Variants in PPP1R12B observed in about 807,000 individuals in gnomAD.
PPP1R12B encodes myosin phosphatase target subunit 2.
A neutral mutation model predicts 126.1 loss-of-function variants in PPP1R12B; 76 were observed. That is an observed-to-expected ratio of 0.60 (90% CI 0.50 to 0.73). The LOEUF (loss-of-function observed/expected upper bound fraction) is 0.73. Among genes scored for constraint, PPP1R12B ranks in the 30% least tolerant of loss-of-function variants. PPP1R12B has a pLI of 0.00. For synonymous variants in PPP1R12B, 356 were observed against 434.7 expected, an observed-to-expected ratio of 0.82 and a Z score of 2.25; for missense variants, 1,052 against 1,205.1, an observed-to-expected ratio of 0.87 and a Z score of 1.88.
intron 1 of PPP1R12B, chr1:202,370,058 G>A: frequency 5.6e-6 from 1 of 179,182 alleles, no homozygotes. Flanking sequence ...ACCTCCCAAA[G>A]TACTGGGACT....
At chr1:202,501,470 A>G (rs1680221273) in intron 18 of PPP1R12B, among the ~76,000 whole-genome samples, 1 of 152,140 alleles carries the variant, frequency 6.6e-6, no homozygotes, top group Non-Finnish European at 1.5e-5. Context: ...AATTGAATTT[A>G]TCACTAGAGG....
intron 18 of PPP1R12B, among the ~76,000 whole-genome samples, chr1:202,523,037 A>G (rs1038873948): frequency 3.9e-5 from 6 of 152,238 alleles, no homozygotes; most frequent in Non-Finnish European, 7.3e-5. Flanking sequence ...TGAACAGCAT[A>G]ATTAACCAGC....
chr1:202,359,650 G>A (rs933893477), intron 1 of PPP1R12B, among the ~76,000 whole-genome samples: 7 of 137,468 alleles, frequency 5.1e-5, no homozygotes, highest in African/African-American at 1.6e-4. Flanking sequence ...GCGTGGTGGC[G>A]TGTGTCTGTA....
intron 13 of PPP1R12B, among the ~76,000 whole-genome samples, chr1:202,467,420 T>C (rs1675179066): frequency 6.7e-6 from 1 of 149,814 alleles, no homozygotes; most frequent in Non-Finnish European, 1.5e-5. Flanking sequence ...TTCCCCTTCC[T>C]GTGTCCATGT....
intron 13 of PPP1R12B, among the ~76,000 whole-genome samples, chr1:202,468,227 A>C (rs1675318027): frequency 6.6e-6 from 1 of 152,024 alleles, no homozygotes; most frequent in Non-Finnish European, 1.5e-5. Flanking sequence ...TCTTTAGTTT[A>C]ATTAGATCCC....
chr1:202,493,007 A>C, intron 14 of PPP1R12B, 107 bp from the exon 15 acceptor site: 2 of 1,215,870 alleles, frequency 1.6e-6, no homozygotes, highest in Non-Finnish European at 2.3e-6. Context: ...GAGGGGCTTC[A>C]TTTTGGGATT....
chr1:202,538,228 C>T (rs1684750614), intron 18 of PPP1R12B, among the ~76,000 whole-genome samples: 1 of 152,204 alleles, frequency 6.6e-6, no homozygotes, highest in Non-Finnish European at 1.5e-5. Context: ...CTCTTGACCT[C>T]ATGTGATCCA....
intron 18 of PPP1R12B, among the ~76,000 whole-genome samples, chr1:202,500,013 G>A (rs1027190171): frequency 2.0e-5 from 3 of 152,140 alleles, no homozygotes; most frequent in Admixed American, 6.5e-5. Context: ...CTCTTAATAC[G>A]CTATTGGTGG....
intron 18 of PPP1R12B, among the ~76,000 whole-genome samples, chr1:202,521,297 A>G (rs558521131): frequency 6.6e-6 from 1 of 152,302 alleles, no homozygotes; most frequent in South Asian, 2.1e-4. Flanking sequence ...TTTTTTAGTT[A>G]TCATAAAAAT....
chr1:202,441,399 T>C (rs549111706), intron 11 of PPP1R12B, among the ~76,000 whole-genome samples: 94 of 152,152 alleles, frequency 6.2e-4, no homozygotes, highest in African/African-American at 2.1e-3. Flanking sequence ...AGACCTCGAG[T>C]GGTCCTCCTG....
At chr1:202,540,267 T>C in intron 18 of PPP1R12B, 1 of 1,513,138 alleles carries the variant, frequency 6.6e-7, no homozygotes, top group Non-Finnish European at 9.1e-7. Context: ...TATTTACGTA[T>C]GTTCATAGCT....
At chr1:202,374,642 G>C (rs191266336) in intron 1 of PPP1R12B, among the ~76,000 whole-genome samples, 165 of 151,750 alleles carry the variant, frequency 1.1e-3, no homozygotes, top group African/African-American at 3.9e-3. Context: ...GGGGCTACAG[G>C]TGCATGCCGC....
chr1:202,384,130 C>T (rs1314281706), intron 1 of PPP1R12B, among the ~76,000 whole-genome samples: 1 of 152,198 alleles, frequency 6.6e-6, no homozygotes, highest in Non-Finnish European at 1.5e-5. Flanking sequence ...CACTTTGGTA[C>T]ACAGTCTAGC....
chr1:202,377,448 G>A (rs1571687829), intron 1 of PPP1R12B, among the ~76,000 whole-genome samples: 1 of 151,690 alleles, frequency 6.6e-6, no homozygotes, highest in South Asian at 2.1e-4. Flanking sequence ...GACTACAAGC[G>A]CCCGCCACCA....
chr1:202,564,554 C>T lies in PPP1R12B; in HGVS notation c.2757+7C>T, dbSNP rs114936366. 4.5e-3 allele frequency: 7,168 copies of T among 1,593,810 alleles called. 246 individuals are homozygous for T. In the African/African-American group the frequency reaches 0.078, roughly 17 times the overall value. Reference sequence around the variant, plus strand: ...GCTTGAGAAGGTGGCCCAGGTAAGACGGAAGAAGAAGAAAAAAGATGAGAA... The same window carrying T: ...GCTTGAGAAGGTGGCCCAGGTAAGATGGAAGAAGAAGAAAAAAGATGAGAA... On this transcript the variant is annotated splice_region_variant and intron_variant, in intron 21 of 23. Transcript: ENST00000608999.
chr1:202,566,953 TCTA>T (rs1688105394), intron 21 of PPP1R12B, among the ~76,000 whole-genome samples: 1 of 152,256 alleles, frequency 6.6e-6, no homozygotes, highest in African/African-American at 2.4e-5. Context: ...TCTGCTGAGT[TCTA>T]TGACCCTAAG....
intron 18 of PPP1R12B, among the ~76,000 whole-genome samples, chr1:202,556,752 T>G (rs1686992821): frequency 6.6e-6 from 1 of 152,220 alleles, no homozygotes; most frequent in African/African-American, 2.4e-5. Flanking sequence ...TTGTTCTGCT[T>G]CTTCCTCAGT....
At chr1:202,354,295 T>C (rs1050993921) in intron 1 of PPP1R12B, among the ~76,000 whole-genome samples, 22 of 152,164 alleles carry the variant, frequency 1.4e-4, no homozygotes, top group Admixed American at 2.0e-4. Context: ...TGACAGTCAT[T>C]CATCAGTTAT....
chr1:202,361,839 C>T (rs1658269722), intron 1 of PPP1R12B, among the ~76,000 whole-genome samples: 1 of 152,086 alleles, frequency 6.6e-6, no homozygotes, highest in Admixed American at 6.6e-5. Context: ...ATTCTAGCTA[C>T]ATCAGTTTTG....
Sources: gnomAD v4.1 joint callset for allele counts (sites outside exome capture counted in the v4.1 genomes callset) on GRCh38, gnomAD v4.1.1 for gene constraint, MANE v1.5 for transcripts, NCBI Gene and HGNC (gene_info 2026-07-23, HGNC 2026-07-21) for gene names.